Variants in BNC2 observed in about 807,000 individuals in gnomAD.
BNC2 encodes the protein zinc finger protein basonuclin-2.
Under a neutral mutation model 76.3 loss-of-function variants are expected in BNC2, and 20 were observed. That is an observed-to-expected ratio of 0.26 (90% CI 0.18 to 0.38). BNC2 has a LOEUF of 0.38. Among genes scored for constraint, BNC2 ranks in the 10% least tolerant of loss-of-function variants. The pLI is 1.00. For missense variants in BNC2, 1,382 were observed against 1,399.8 expected (o/e 0.99, Z 0.20); for synonymous variants, 582 against 514.8 (o/e 1.13, Z -1.77).
chr9:16,847,406 G>C (rs76105572), intron 1 of BNC2, among the ~76,000 whole-genome samples: 14,297 of 55,520 alleles, frequency 0.26, 5,591 homozygotes, highest in Non-Finnish European at 0.41. Flanking sequence ...CGGGGCGGGG[G>C]GGGGGGGGCG....
At chr9:16,722,743 T>C (rs1003383080) in intron 3 of BNC2, among the ~76,000 whole-genome samples, 1 of 152,202 alleles carries the variant, frequency 6.6e-6, no homozygotes, top group African/African-American at 2.4e-5. Context: ...GAGAATATGT[T>C]TGTGCATGCT....
intron 3 of BNC2, among the ~76,000 whole-genome samples, chr9:16,670,416 G>A (rs999500680): frequency 3.9e-5 from 6 of 152,168 alleles, no homozygotes; most frequent in Non-Finnish European, 8.8e-5. Context: ...CTGGGCTCAA[G>A]TCATCTTCCC....
intron 5 of BNC2, among the ~76,000 whole-genome samples, chr9:16,491,118 G>C (rs573262129): frequency 2.6e-4 from 39 of 152,146 alleles, no homozygotes; most frequent in Non-Finnish European, 5.6e-4. Flanking sequence ...CCTGAAATGA[G>C]GATGGATCTA....
intron 3 of BNC2, among the ~76,000 whole-genome samples, chr9:16,692,798 A>C (rs750970848): frequency 3.3e-5 from 5 of 152,132 alleles, no homozygotes; most frequent in Non-Finnish European, 4.4e-5. Flanking sequence ...GGAATGACCG[A>C]AAAGATCGCT....
chr9:16,769,821 C>T (rs1246301055), intron 1 of BNC2, among the ~76,000 whole-genome samples: 1 of 152,146 alleles, frequency 6.6e-6, no homozygotes, highest in African/African-American at 2.4e-5. Flanking sequence ...GTGGGTGGAG[C>T]TTGTCATTGA....
intron 1 of BNC2, among the ~76,000 whole-genome samples, chr9:16,746,367 G>C (rs1296580678): frequency 6.6e-6 from 1 of 151,758 alleles, no homozygotes; most frequent in African/African-American, 2.4e-5. Flanking sequence ...TTTGTTTTTT[G>C]TTTGTTTGCT....
intron 1 of BNC2, among the ~76,000 whole-genome samples, chr9:16,750,601 T>C (rs1348503822): frequency 6.6e-6 from 1 of 152,234 alleles, no homozygotes; most frequent in Non-Finnish European, 1.5e-5. Flanking sequence ...AAACAAACTC[T>C]AGAATCTGCC....
intron 3 of BNC2, among the ~76,000 whole-genome samples, chr9:16,694,143 A>G (rs1823265350): frequency 6.6e-6 from 1 of 152,202 alleles, no homozygotes. Flanking sequence ...AGGCACAAAA[A>G]TGGAACAAAT....
intron 1 of BNC2, among the ~76,000 whole-genome samples, chr9:16,863,472 A>G (rs1457301113): frequency 6.6e-6 from 1 of 152,198 alleles, no homozygotes; most frequent in African/African-American, 2.4e-5. Flanking sequence ...AGGCCAGTGG[A>G]TCACCTGAGG....
At chr9:16,756,733 T>C (rs538530677) in intron 1 of BNC2, among the ~76,000 whole-genome samples, 1 of 152,202 alleles carries the variant, frequency 6.6e-6, no homozygotes, top group Non-Finnish European at 1.5e-5. Flanking sequence ...CTCACGCCTA[T>C]AATCCCAGCA....
At chr9:16,471,093 C>T (rs912981786) in intron 5 of BNC2, among the ~76,000 whole-genome samples, 1 of 152,192 alleles carries the variant, frequency 6.6e-6, no homozygotes, top group African/African-American at 2.4e-5. Flanking sequence ...CCACCTCTTA[C>T]ATCAGCGTGA....
Position 16,475,841 on chromosome 9 carries a change from G to A in BNC2, c.670-38317C>T, listed in dbSNP as rs563296561. On this transcript the variant is annotated intron_variant, in intron 5 of 6. Coordinates refer to ENST00000380672, the MANE Select transcript of BNC2 (RefSeq NM_017637.6). The stretch of plus-strand genomic sequence containing the variant: ...AGCACCGATAGCCTTACAATTCCAA[G>A]CTTTAAGCTGGAAGGGTTTTCTGGA... Among the ~76,000 whole-genome samples, 4 of 152,262 alleles carry A rather than the reference G, an allele frequency of 2.6e-5. No homozygotes were observed. The South Asian group carries it at 8.3e-4, about 32-fold the overall frequency.
chr9:16,458,408 T>C (rs1040225173), intron 5 of BNC2, among the ~76,000 whole-genome samples: 6 of 152,190 alleles, frequency 3.9e-5, no homozygotes, highest in Non-Finnish European at 8.8e-5. Flanking sequence ...AAAATCAATA[T>C]TGGGATATTA....
At chr9:16,807,420 T>C (rs767844464) in intron 1 of BNC2, among the ~76,000 whole-genome samples, 1 of 152,214 alleles carries the variant, frequency 6.6e-6, no homozygotes, top group Non-Finnish European at 1.5e-5. Context: ...AGATACCATA[T>C]TATTACATCA....
chr9:16,646,754 T>G (rs1417490566), intron 3 of BNC2, among the ~76,000 whole-genome samples: 2 of 152,168 alleles, frequency 1.3e-5, no homozygotes, highest in African/African-American at 4.8e-5. Context: ...GTACCCACAT[T>G]TAAGAAATTC....
At chr9:16,569,946 G>A (rs908342734) in intron 4 of BNC2, among the ~76,000 whole-genome samples, 3 of 152,230 alleles carry the variant, frequency 2.0e-5, no homozygotes, top group African/African-American at 7.2e-5. Context: ...TTAATACACA[G>A]TACACTGACT....
chr9:16,713,981 A>G (rs1409145234), intron 3 of BNC2, among the ~76,000 whole-genome samples: 1 of 152,202 alleles, frequency 6.6e-6, no homozygotes, highest in Non-Finnish European at 1.5e-5. Context: ...GACTGAGGTA[A>G]GAGGACTGCT....
At chr9:16,798,444 A>G (rs1817706691) in intron 1 of BNC2, among the ~76,000 whole-genome samples, 1 of 152,210 alleles carries the variant, frequency 6.6e-6, no homozygotes, top group Non-Finnish European at 1.5e-5. Flanking sequence ...AAAGGAAAAT[A>G]TTATTTGTAT....
At chr9:16,732,329 T>G (rs1251163915) in intron 2 of BNC2, among the ~76,000 whole-genome samples, 1 of 152,124 alleles carries the variant, frequency 6.6e-6, no homozygotes, top group Non-Finnish European at 1.5e-5. Flanking sequence ...TCTTTCTACT[T>G]AATTTCTTTA....
Sources: allele counts gnomAD v4.1 joint callset (sites outside exome capture counted in the v4.1 genomes callset), GRCh38; gene constraint gnomAD v4.1.1; transcripts MANE v1.5; gene names NCBI Gene and HGNC (gene_info 2026-07-23, HGNC 2026-07-21).